Variants in ZNF140 observed in about 807,000 individuals in gnomAD.
The protein encoded by ZNF140 is zinc finger protein 140.
Under a neutral mutation model 12.9 loss-of-function variants are expected in ZNF140, and 13 were observed. The ratio of observed to expected loss-of-function variants is 1.01; its 90% confidence interval spans 0.66 to 1.60. ZNF140 has a LOEUF of 1.60. Ranked by LOEUF, ZNF140 falls within the 40% of genes most tolerant of loss-of-function variation. The pLI is 0.00. For missense variants in ZNF140, 531 were observed against 548.8 expected (o/e 0.97, Z 0.32); for synonymous variants, 214 against 186.7 (o/e 1.15, Z -1.19).
chr12:133,090,536 T>C (rs1954818802), intron 4 of ZNF140, among the ~76,000 whole-genome samples: 1 of 152,164 alleles, frequency 6.6e-6, no homozygotes, highest in Non-Finnish European at 1.5e-5. Context: ...GATTGATTTA[T>C]GAAGGGGTGG....
intron 2 of ZNF140, chr12:133,082,627 T>C (rs1276421199): frequency 6.5e-6 from 1 of 154,220 alleles, no homozygotes; most frequent in Non-Finnish European, 1.4e-5. Context: ...GGTATTTCTT[T>C]AGGATTAGGG....
At chr12:133,097,020 T>C (rs935942131) in intron 4 of ZNF140, among the ~76,000 whole-genome samples, 107 of 152,356 alleles carry the variant, frequency 7.0e-4, no homozygotes, top group Middle Eastern at 3.4e-3. Flanking sequence ...CTGCCTAATG[T>C]ATTTTGATGG....
intron 4 of ZNF140, among the ~76,000 whole-genome samples, chr12:133,096,383 GT>G (rs1160926886): frequency 2.0e-5 from 3 of 152,156 alleles, no homozygotes; most frequent in Non-Finnish European, 4.4e-5. Flanking sequence ...CAAAGCAATT[GT>G]TTAAAGTACA....
chr12:133,090,837 G>A lies in ZNF140; in HGVS notation c.232+7276G>A, dbSNP rs972885734. ...ATATCATAATTAGGTTTAAGGGAAG[G>A]TACTATGCCTAGATGTGCATGTAAT... is the stretch of plus-strand genomic sequence containing the variant. On this transcript the variant is annotated intron_variant, in intron 4 of 4. Coordinates refer to ENST00000355557, the MANE Select transcript of ZNF140 (RefSeq NM_003440.4). 5.4e-3 allele frequency among the ~76,000 whole-genome samples: 692 copies of A among 128,666 alleles called. 23 individuals carry two copies. The highest frequency in any genetic ancestry group is 0.019 in the African/African-American group (673 of 34,730). The allele number at this position is 128,666 out of a possible 152,430, so 84.4% of individuals were successfully genotyped here. A position where few individuals can be genotyped will look rare whatever the true frequency, so the allele number is the denominator to read the frequency against.
At chr12:133,085,987 C>G (rs1452657034) in intron 4 of ZNF140, among the ~76,000 whole-genome samples, 2 of 152,192 alleles carry the variant, frequency 1.3e-5, no homozygotes, top group Non-Finnish European at 2.9e-5. Flanking sequence ...CCACTGCACT[C>G]CAGCCTGGGC....
At chr12:133,104,588 T>C (rs2137584681) in intron 4 of ZNF140, among the ~76,000 whole-genome samples, 1 of 152,236 alleles carries the variant, frequency 6.6e-6, no homozygotes, top group African/African-American at 2.4e-5. Flanking sequence ...CCTGACCTCA[T>C]GATCTGCCCG....
intron 4 of ZNF140, among the ~76,000 whole-genome samples, chr12:133,102,872 G>C (rs1955403302): frequency 6.6e-6 from 1 of 152,160 alleles, no homozygotes; most frequent in Non-Finnish European, 1.5e-5. Flanking sequence ...GATGGGAAGA[G>C]GTGAGGTGAT....
chr12:133,104,273 A>G (rs1955483488), intron 4 of ZNF140, among the ~76,000 whole-genome samples: 1 of 152,150 alleles, frequency 6.6e-6, no homozygotes, highest in African/African-American at 2.4e-5. Flanking sequence ...GAAACATTTG[A>G]GAATAAGTTC....
intron 4 of ZNF140, among the ~76,000 whole-genome samples, chr12:133,102,606 A>G (rs1955385552): frequency 6.6e-6 from 1 of 152,034 alleles, no homozygotes; most frequent in Non-Finnish European, 1.5e-5. Context: ...ACCATTAGCC[A>G]GGCGTGGCAG....
At chr12:133,098,085 C>T (rs1182292894) in intron 4 of ZNF140, among the ~76,000 whole-genome samples, 10 of 151,876 alleles carry the variant, frequency 6.6e-5, no homozygotes, top group African/African-American at 2.4e-4. Flanking sequence ...CTGCCCACCT[C>T]GACCTCCCAA....
intron 4 of ZNF140, among the ~76,000 whole-genome samples, chr12:133,095,582 C>G (rs566023242): frequency 1.3e-4 from 19 of 151,578 alleles, no homozygotes; most frequent in Non-Finnish European, 2.5e-4. Context: ...CAACAGTGGG[C>G]CCAGGGGACC....
At chr12:133,086,677 G>A (rs1410009925) in intron 4 of ZNF140, among the ~76,000 whole-genome samples, 2 of 151,908 alleles carry the variant, frequency 1.3e-5, no homozygotes, top group African/African-American at 2.4e-5. Flanking sequence ...TTTCTTTTAT[G>A]TTTAGTATTT....
intron 4 of ZNF140, among the ~76,000 whole-genome samples, chr12:133,087,336 G>A (rs1412321209): frequency 6.6e-6 from 1 of 151,810 alleles, no homozygotes; most frequent in African/African-American, 2.4e-5. Flanking sequence ...TGTAGGGGAG[G>A]GAAGATTATA....
intron 4 of ZNF140, among the ~76,000 whole-genome samples, chr12:133,086,609 A>G (rs936036783): frequency 1.3e-5 from 2 of 152,096 alleles, no homozygotes; most frequent in Non-Finnish European, 2.9e-5. Flanking sequence ...TTTAACCTTC[A>G]TAGCTTCTTT....
At chr12:133,096,684 ATCTT>A (rs1327757343) in intron 4 of ZNF140, among the ~76,000 whole-genome samples, 1 of 152,070 alleles carries the variant, frequency 6.6e-6, no homozygotes, top group Non-Finnish European at 1.5e-5. Flanking sequence ...TTTCCTTTTA[ATCTT>A]TCTGTTACTG....
At chr12:133,096,689 T>C (rs1955142129) in intron 4 of ZNF140, among the ~76,000 whole-genome samples, 1 of 152,238 alleles carries the variant, frequency 6.6e-6, no homozygotes, top group Non-Finnish European at 1.5e-5. Flanking sequence ...TTTTAATCTT[T>C]CTGTTACTGA....
rs931653308 is a variant in ZNF140 at position 133,092,614 on chromosome 12, A to G, written c.232+9053A>G. On this transcript the variant is annotated intron_variant, in intron 4 of 4. Coordinates refer to ENST00000355557, the MANE Select transcript of ZNF140 (RefSeq NM_003440.4). ...GGTGTTCAGGACCAACAACAGGACT[A>G]ACTAACTTTGGTCGGGGTGATGAAA... Among the ~76,000 whole-genome samples the G allele has an allele frequency of 3.5e-4, 53 of 151,382 alleles. 3 individuals are homozygous for G. Among genetic ancestry groups the G allele is most frequent in the Admixed American group, 1.0e-3 (16 of 15,246 alleles).
intron 4 of ZNF140, among the ~76,000 whole-genome samples, chr12:133,099,933 G>GTT (rs1163104116): frequency 2.1e-5 from 3 of 144,914 alleles, no homozygotes; most frequent in East Asian, 2.0e-4. Flanking sequence ...GGGCTTGAGA[G>GTT]TTTTTTTTTT....
chr12:133,094,563 A>C (rs1955000437), intron 4 of ZNF140, among the ~76,000 whole-genome samples: 1 of 151,156 alleles, frequency 6.6e-6, no homozygotes, highest in South Asian at 2.1e-4. Flanking sequence ...CTAAAGAGAG[A>C]AAGTGGGTGG....
Sources: allele counts gnomAD v4.1 joint callset (sites outside exome capture counted in the v4.1 genomes callset), GRCh38; gene constraint gnomAD v4.1.1; transcripts MANE v1.5; gene names NCBI Gene and HGNC (gene_info 2026-07-23, HGNC 2026-07-21).